CADPS: variants seen among roughly 807,000 people sequenced by gnomAD.
The protein encoded by CADPS is calcium dependent secretion activator.
CADPS carries 57 observed loss-of-function variants against 167.3 expected under a neutral mutation model. The observed-to-expected ratio is 0.34, with a 90% CI of 0.28 to 0.42. CADPS has a LOEUF of 0.42. Ranked by LOEUF, CADPS falls within the 20% of genes least tolerant of loss-of-function variation. CADPS has a pLI of 1.00. For missense variants in CADPS, 1,414 were observed against 1,738.1 expected (o/e 0.81, Z 3.32); for synonymous variants, 676 against 635.3 (o/e 1.06, Z -0.96).
At chr3:62,829,018 C>T (rs2074574352) in intron 1 of CADPS, among the ~76,000 whole-genome samples, 1 of 152,114 alleles carries the variant, frequency 6.6e-6, no homozygotes, top group Non-Finnish European at 1.5e-5. Flanking sequence ...CATGCTTAGT[C>T]TAGGGCTAAT....
At position 62,399,403 on chromosome 3, in the gene CADPS, G is replaced by A; in HGVS notation, c.*3C>T. ...GTCCCAGCAGACTCTAGGACCAAATGGTCTAATCGTCTTCTTCGTCTTCCT... is the reference window on the plus strand; with the variant it reads ...GTCCCAGCAGACTCTAGGACCAAATAGTCTAATCGTCTTCTTCGTCTTCCT... On this transcript the variant is annotated 3_prime_UTR_variant, in exon 30 of 30. Transcript: ENST00000383710. The surrounding 1 kb of genome is among the most constrained non-coding windows in gnomAD (Gnocchi z 5.6). 6.2e-7 allele frequency: 1 copy of A among 1,613,936 alleles called. No homozygotes were observed. Among genetic ancestry groups the A allele is most frequent in the Non-Finnish European group, 8.5e-7 (1 of 1,179,818 alleles).
At chr3:62,457,881 T>C (rs1295329617) in intron 26 of CADPS, among the ~76,000 whole-genome samples, 1 of 151,704 alleles carries the variant, frequency 6.6e-6, no homozygotes, top group South Asian at 2.1e-4. Context: ...AGTTGAACAA[T>C]GAGAACACAT....
intron 1 of CADPS, among the ~76,000 whole-genome samples, chr3:62,810,942 C>G (rs1413459999): frequency 3.3e-5 from 5 of 152,192 alleles, no homozygotes; most frequent in Non-Finnish European, 4.4e-5. Context: ...TTCAAATGAA[C>G]CTGATACAAA....
chr3:62,667,641 A>G (rs1417206330), intron 3 of CADPS, among the ~76,000 whole-genome samples: 1 of 152,110 alleles, frequency 6.6e-6, no homozygotes, highest in Admixed American at 6.5e-5. Flanking sequence ...CACAACACAC[A>G]TGAGCAAGAA....
intron 9 of CADPS, among the ~76,000 whole-genome samples, chr3:62,559,767 T>G (rs1460236983): frequency 6.6e-6 from 1 of 152,186 alleles, no homozygotes; most frequent in Non-Finnish European, 1.5e-5. Context: ...GTGCTGGGAT[T>G]ACAGGCGTGA....
At chr3:62,648,999 G>T (rs2150145332) in intron 5 of CADPS, among the ~76,000 whole-genome samples, 1 of 152,268 alleles carries the variant, frequency 6.6e-6, no homozygotes, top group East Asian at 1.9e-4. Flanking sequence ...ACTAATGTGA[G>T]TATCTCCATC....
intron 3 of CADPS, among the ~76,000 whole-genome samples, chr3:62,682,342 G>A (rs71296785): frequency 0.077 from 11,726 of 152,060 alleles, 612 homozygotes; most frequent in Non-Finnish European, 0.12. Context: ...ACCAGAAAAT[G>A]CCAGAATGGA....
chr3:62,785,317 C>A (rs2092313585), intron 1 of CADPS, among the ~76,000 whole-genome samples: 1 of 152,196 alleles, frequency 6.6e-6, no homozygotes, highest in Non-Finnish European at 1.5e-5. Flanking sequence ...AGCAATGTAA[C>A]TTTCCCACCA....
At chr3:62,583,155 G>GTCTCTC (rs61474581) in intron 8 of CADPS, among the ~76,000 whole-genome samples, 50,088 of 146,922 alleles carry the variant, frequency 0.34, 8,966 homozygotes, top group Middle Eastern at 0.44. Flanking sequence ...TACCCTCTTT[G>GTCTCTC]TCTCTCTCTC....
At chr3:62,712,181 A>G (rs915465035) in intron 3 of CADPS, among the ~76,000 whole-genome samples, 6 of 152,122 alleles carry the variant, frequency 3.9e-5, no homozygotes, top group Non-Finnish European at 7.4e-5. Flanking sequence ...TATTTCTTTG[A>G]TCACACATAT....
At position 62,433,238 on chromosome 3, in the gene CADPS, A is replaced by G. The variant is rs1054924283; in HGVS notation, c.3777+4866T>C. On this transcript the variant is annotated intron_variant, in intron 28 of 29. Transcript: ENST00000383710. This position sits in a 1 kb window ranked among gnomAD's most constrained non-coding sequence, Gnocchi z 4.7. ...ATATATTTTAACAGGCAAAGGTTTC[A>G]TGTTTCAAATTACCCTTTTCAAGGG... Among the ~76,000 whole-genome samples the G allele has an allele frequency of 6.6e-6, 1 of 152,174 alleles. No homozygotes were observed. The highest frequency in any genetic ancestry group is 2.4e-5 in the African/African-American group (1 of 41,438).
intron 9 of CADPS, among the ~76,000 whole-genome samples, chr3:62,566,453 C>T (rs548333602): frequency 6.6e-6 from 1 of 152,266 alleles, no homozygotes; most frequent in East Asian, 1.9e-4. Flanking sequence ...TTAGCTTCCT[C>T]TGAATTGGAC....
At chr3:62,518,105 C>A (rs1253000531) in intron 14 of CADPS, 44 bp downstream of exon 14, 1 of 1,334,222 alleles carries the variant, frequency 7.5e-7, no homozygotes, top group African/African-American at 1.5e-5. Flanking sequence ...TTTCCCTTCC[C>A]ACTCTCATCT....
At chr3:62,598,393 T>G (rs2059223368) in intron 6 of CADPS, among the ~76,000 whole-genome samples, 1 of 152,208 alleles carries the variant, frequency 6.6e-6, no homozygotes, top group African/African-American at 2.4e-5. Context: ...TTCCTACTCT[T>G]AGTAGAATCA....
At position 62,544,289 on chromosome 3, in the gene CADPS, A is replaced by C. The variant is rs377719749; in HGVS notation, c.1966+5614T>G. ...GTTCAAATAATGCATTTGCTTTCTT[A>C]ATTGTATTTTGCAATTTCTTCTAGT... On this transcript the variant is annotated intron_variant, in intron 11 of 29. Transcript: ENST00000383710. This position sits in a 1 kb window ranked among gnomAD's most constrained non-coding sequence, Gnocchi z 4.4. Among the ~76,000 whole-genome samples the C allele has an allele frequency of 6.6e-6, 1 of 152,134 alleles. No homozygotes were observed. The highest frequency in any genetic ancestry group is 2.4e-5 in the African/African-American group (1 of 41,452).
At chr3:62,476,362 G>A (rs1166047482) in intron 23 of CADPS, among the ~76,000 whole-genome samples, 1 of 152,114 alleles carries the variant, frequency 6.6e-6, no homozygotes, top group East Asian at 1.9e-4. Context: ...TGAATCTGTA[G>A]GTCCGGGGGT....
At chr3:62,487,206 G>A (rs1018947069) in intron 21 of CADPS, among the ~76,000 whole-genome samples, 1 of 152,186 alleles carries the variant, frequency 6.6e-6, no homozygotes, top group African/African-American at 2.4e-5. Flanking sequence ...GTGACCATCT[G>A]TCAGGGAAAA....
In CADPS at chr3:62,427,074, C is replaced by CAAA. The variant is rs58024853; in HGVS notation, c.3777+11027_3777+11029dup. Reference sequence around the variant, plus strand: ...TGGGTGACAGAGCGAGACTCCGTATCAAAAAAAAAAAAAAAAGAAAAGTTG... The same window carrying CAAA: ...TGGGTGACAGAGCGAGACTCCGTATCAAAAAAAAAAAAAAAAAAAGAAAAGTTG... On this transcript the variant is annotated intron_variant, in intron 28 of 29. Coordinates refer to ENST00000383710, the MANE Select transcript of CADPS (RefSeq NM_003716.4). Among the ~76,000 whole-genome samples the CAAA allele has an allele frequency of 8.0e-4, 82 of 102,570 alleles. 1 individual carries two copies. The highest frequency in any genetic ancestry group is 5.0e-3 in the Middle Eastern group (1 of 200). 67.3% of individuals were successfully genotyped at this position (102,570 alleles called of 152,430 possible).
chr3:62,838,667 G>A (rs1468463586), intron 1 of CADPS, among the ~76,000 whole-genome samples: 2 of 152,070 alleles, frequency 1.3e-5, no homozygotes, highest in South Asian at 2.1e-4. Flanking sequence ...ATAGTAAAAC[G>A]TATTCCATAC....
Sources: allele counts gnomAD v4.1 joint callset (sites outside exome capture counted in the v4.1 genomes callset), GRCh38; gene constraint gnomAD v4.1.1; non-coding constraint Gnocchi (gnomAD v3.1); transcripts MANE v1.5; gene names NCBI Gene and HGNC (gene_info 2026-07-23, HGNC 2026-07-21).